The following CD2AP variants were observed in gnomAD, a reference collection of about 807,000 sequenced individuals.
The protein encoded by CD2AP is CD2 associated protein, also known as CD2-associated protein.
CD2AP carries 46 observed loss-of-function variants against 85.1 expected under a neutral mutation model. The ratio of observed to expected loss-of-function variants is 0.54; its 90% CI spans 0.43 to 0.69. CD2AP has a LOEUF of 0.69. Ranked by LOEUF, CD2AP falls within the 30% of genes least tolerant of loss-of-function variation. The pLI is 0.00. For missense variants in CD2AP, 769 were observed against 729.5 expected (o/e 1.05, Z -0.62); for synonymous variants, 255 against 252.9 (o/e 1.01, Z -0.08).
intron 5 of CD2AP, among the ~76,000 whole-genome samples, chr6:47,566,301 AATATAT>A (rs71831752): frequency 1.0e-4 from 11 of 110,142 alleles, no homozygotes; most frequent in African/African-American, 2.3e-4. Flanking sequence ...TGCTCATTAG[AATATAT>A]ATATATATAT....
intron 5 of CD2AP, among the ~76,000 whole-genome samples, chr6:47,573,140 T>C (rs1407540319): frequency 2.0e-5 from 3 of 152,154 alleles, no homozygotes; most frequent in African/African-American, 7.2e-5. Flanking sequence ...TGTGGACTCA[T>C]TGAGCCTATA....
intron 1 of CD2AP, among the ~76,000 whole-genome samples, chr6:47,495,795 T>C (rs890803943): frequency 6.6e-6 from 1 of 152,202 alleles, no homozygotes; most frequent in Non-Finnish European, 1.5e-5. Context: ...TTTTAAAAAT[T>C]TGTTTGTTCT....
intron 11 of CD2AP, among the ~76,000 whole-genome samples, chr6:47,586,908 CAA>C (rs1768645139): frequency 6.6e-6 from 1 of 152,020 alleles, no homozygotes; most frequent in Non-Finnish European, 1.5e-5. Flanking sequence ...ATAGGTTAAA[CAA>C]GAGAAGGCAT....
At chr6:47,519,544 C>T (rs1308250506) in intron 2 of CD2AP, among the ~76,000 whole-genome samples, 1 of 152,178 alleles carries the variant, frequency 6.6e-6, no homozygotes, top group Non-Finnish European at 1.5e-5. Flanking sequence ...TCTGAAGATG[C>T]TTCACCCTAG....
intron 11 of CD2AP, among the ~76,000 whole-genome samples, chr6:47,595,310 C>G (rs1011791798): frequency 6.6e-6 from 1 of 151,916 alleles, no homozygotes; most frequent in Non-Finnish European, 1.5e-5. Context: ...ATTCTTAGTG[C>G]AGTACTAAGA....
At chr6:47,541,147 G>A (rs940688490) in intron 3 of CD2AP, among the ~76,000 whole-genome samples, 2 of 151,816 alleles carry the variant, frequency 1.3e-5, no homozygotes, top group Admixed American at 6.6e-5. Context: ...TTTTTGAGAC[G>A]GAGTCTTGCT....
At chr6:47,564,290 A>G (rs955878811) in intron 5 of CD2AP, among the ~76,000 whole-genome samples, 14 of 152,120 alleles carry the variant, frequency 9.2e-5, no homozygotes, top group Admixed American at 3.3e-4. Flanking sequence ...TACTTTTAAC[A>G]TTAAAATTTG....
intron 14 of CD2AP, among the ~76,000 whole-genome samples, chr6:47,607,307 T>G (rs912599221): frequency 6.6e-5 from 10 of 151,836 alleles, no homozygotes; most frequent in African/African-American, 2.2e-4. Context: ...ACAGATTTCC[T>G]TTTTTTGGTA....
chr6:47,543,148 C>CAAAAAAAAA (rs11338409), intron 3 of CD2AP, among the ~76,000 whole-genome samples: 5 of 60,306 alleles, frequency 8.3e-5, no homozygotes, highest in African/African-American at 1.4e-4. Flanking sequence ...AAGACTGTCT[C>CAAAAAAAAA]AAAAAAAAAA....
intron 11 of CD2AP, among the ~76,000 whole-genome samples, chr6:47,585,182 A>T (rs1768589962): frequency 7.3e-6 from 1 of 136,556 alleles, no homozygotes; most frequent in Non-Finnish European, 1.7e-5. Context: ...GGGCGCCTGT[A>T]GTCCCAGCTA....
At chr6:47,539,755 C>T (rs777342185) in intron 3 of CD2AP, among the ~76,000 whole-genome samples, 4 of 152,074 alleles carry the variant, frequency 2.6e-5, no homozygotes, top group African/African-American at 7.2e-5. Flanking sequence ...AGTATGTCCC[C>T]GCCTTTGCTG....
At chr6:47,581,477 G>A (rs1202606314) in intron 10 of CD2AP, among the ~76,000 whole-genome samples, 2 of 151,734 alleles carry the variant, frequency 1.3e-5, no homozygotes, top group Non-Finnish European at 2.9e-5. Context: ...TCTTTTTGTC[G>A]CCCTTGGTTT....
At chr6:47,611,962 G>A (rs1769453448) in intron 16 of CD2AP, among the ~76,000 whole-genome samples, 1 of 152,102 alleles carries the variant, frequency 6.6e-6, no homozygotes, top group African/African-American at 2.4e-5. Flanking sequence ...ACGGGAAGGT[G>A]AAAAGATGAG....
chr6:47,601,682 C>T (rs1769139727), intron 13 of CD2AP, among the ~76,000 whole-genome samples: 1 of 151,968 alleles, frequency 6.6e-6, no homozygotes, highest in Admixed American at 6.6e-5. Flanking sequence ...TCTACCTCTT[C>T]TGTGATGTTA....
chr6:47,596,455 T>C (rs976298948), intron 12 of CD2AP, among the ~76,000 whole-genome samples: 2 of 152,124 alleles, frequency 1.3e-5, no homozygotes, highest in African/African-American at 4.8e-5. Flanking sequence ...GTAATCACCA[T>C]TCTACTCTAT....
chr6:47,603,350 T>C (rs1160795252), intron 13 of CD2AP, among the ~76,000 whole-genome samples: 3 of 152,088 alleles, frequency 2.0e-5, no homozygotes, highest in Non-Finnish European at 1.5e-5. Flanking sequence ...TTGCTTTTCA[T>C]CGTTGTAATT....
chr6:47,576,874 G>T, intron 7 of CD2AP, 135 bp from the exon 8 acceptor site: 1 of 670,444 alleles, frequency 1.5e-6, no homozygotes, highest in Non-Finnish European at 2.7e-6. Flanking sequence ...TTGACTATAA[G>T]TATTTTAAAA....
At chr6:47,517,715 A>T (rs1766489773) in intron 2 of CD2AP, among the ~76,000 whole-genome samples, 1 of 152,174 alleles carries the variant, frequency 6.6e-6, no homozygotes, top group South Asian at 2.1e-4. Context: ...CTTTTGATGG[A>T]TATAGACAAT....
At chr6:47,567,440 G>C (rs1476477196) in intron 5 of CD2AP, among the ~76,000 whole-genome samples, 8 of 152,030 alleles carry the variant, frequency 5.3e-5, no homozygotes, top group African/African-American at 1.7e-4. Flanking sequence ...AAAGTCCTGG[G>C]AATACAGTGA....
Sources: allele counts gnomAD v4.1 joint callset (sites outside exome capture counted in the v4.1 genomes callset), GRCh38; gene constraint gnomAD v4.1.1; transcripts MANE v1.5; gene names NCBI Gene and HGNC (gene_info 2026-07-23, HGNC 2026-07-21).